FAM118B: variants seen among roughly 807,000 people sequenced by gnomAD.
FAM118B encodes the protein SIR2 antiphage like 1, also known as protein FAM118B.
FAM118B carries 24 observed loss-of-function variants against 38.5 expected under a neutral mutation model. The ratio of observed to expected loss-of-function variants is 0.62; its 90% CI spans 0.45 to 0.88. FAM118B has a LOEUF of 0.88. Ranked by LOEUF, FAM118B falls within the 40% of genes least tolerant of loss-of-function variation. The probability of loss-of-function intolerance (pLI) is 0.00; values close to 1 mark genes in which losing one functional copy is unlikely to be tolerated. For missense variants in FAM118B, 334 were observed against 420.0 expected, an observed-to-expected ratio of 0.80 and a Z score of 1.79; for synonymous variants, 138 against 156.3, an observed-to-expected ratio of 0.88 and a Z score of 0.87.
rs1191445739 is a variant in FAM118B at position 126,244,706 on chromosome 11, A to C, written c.339+3662A>C. On this transcript the variant is annotated intron_variant, in intron 4 of 8. Transcript: ENST00000533050. This position sits in a 1 kb window ranked among gnomAD's most constrained non-coding sequence, Gnocchi z 4.5. Reference sequence around the variant, plus strand: ...ATAATCCCAGCTACTCGGGAGGTGGAGGCAGGAGAATCACTTGAACCTGGG... The same window carrying C: ...ATAATCCCAGCTACTCGGGAGGTGGCGGCAGGAGAATCACTTGAACCTGGG... Among the ~76,000 whole-genome samples the C allele has an allele frequency of 6.6e-6, 1 of 152,170 alleles. No individual in the cohort carries two copies. The highest frequency in any genetic ancestry group is 6.5e-5 in the Admixed American group (1 of 15,280).
intron 2 of FAM118B, among the ~76,000 whole-genome samples, chr11:126,231,354 A>G (rs552908669): frequency 3.9e-5 from 6 of 152,378 alleles, no homozygotes; most frequent in African/African-American, 1.4e-4. Context: ...AGTGTGAACT[A>G]GCTTTGAAGC....
At chr11:126,232,991 A>G (rs1077826) in intron 2 of FAM118B, among the ~76,000 whole-genome samples, 178 of 152,324 alleles carry the variant, frequency 1.2e-3, no homozygotes, top group Non-Finnish European at 1.6e-3. Context: ...GCTTAATGGT[A>G]TACTTCATGT....
At chr11:126,241,933 G>A (rs1950363794) in intron 4 of FAM118B, among the ~76,000 whole-genome samples, 1 of 150,454 alleles carries the variant, frequency 6.6e-6, no homozygotes. Flanking sequence ...GCTGAGGCAG[G>A]AGAATGGCTT....
intron 4 of FAM118B, among the ~76,000 whole-genome samples, chr11:126,247,800 G>A (rs896751504): frequency 6.7e-5 from 10 of 150,324 alleles, no homozygotes; most frequent in Admixed American, 4.0e-4. Context: ...GGAGGTTGCA[G>A]TGAGCTGAGA....
At chr11:126,246,070 G>C (rs142629412) in intron 4 of FAM118B, among the ~76,000 whole-genome samples, 21 of 151,176 alleles carry the variant, frequency 1.4e-4, no homozygotes, top group Admixed American at 1.3e-3. Flanking sequence ...GATCATATTT[G>C]ACAAAAATCT....
intron 4 of FAM118B, among the ~76,000 whole-genome samples, chr11:126,249,663 C>T (rs574104890): frequency 4.9e-4 from 63 of 128,014 alleles, no homozygotes; most frequent in Non-Finnish European, 4.7e-4. Context: ...CCTGGCGGGG[C>T]GGAGGTTGCA....
chr11:126,212,071 A>C (rs1209357658), intron 1 of FAM118B, among the ~76,000 whole-genome samples: 1 of 152,090 alleles, frequency 6.6e-6, no homozygotes, highest in Non-Finnish European at 1.5e-5. Context: ...TTAGCCACTG[A>C]ATCTCCGGTG....
rs974094235 is a variant in FAM118B, at chr11:126,252,095, T to C, written c.567+1362T>C. Among the ~76,000 whole-genome samples, 1 of 152,144 alleles carries C rather than the reference T, an allele frequency of 6.6e-6. No individual in the cohort carries two copies. The highest frequency in any genetic ancestry group is 2.4e-5 in the African/African-American group (1 of 41,428). ...TCCTCCTCCTGGGTTCAAGCGATTC[T>C]CCTGCCTCAGCGTCCCGAATAGCTG... On this transcript the variant is annotated intron_variant, in intron 5 of 8. Transcript: ENST00000533050. The surrounding 1 kb of genome is among the most constrained non-coding windows in gnomAD (Gnocchi z 4.7).
intron 2 of FAM118B, among the ~76,000 whole-genome samples, chr11:126,234,634 C>T (rs1005970613): frequency 2.0e-5 from 3 of 152,130 alleles, no homozygotes; most frequent in Admixed American, 6.6e-5. Flanking sequence ...CTGAGTCTTC[C>T]GCAAACCCAT....
intron 4 of FAM118B, among the ~76,000 whole-genome samples, chr11:126,241,450 G>T (rs1950356166): frequency 6.6e-6 from 1 of 152,116 alleles, no homozygotes; most frequent in African/African-American, 2.4e-5. Flanking sequence ...GTTCTTTTTA[G>T]AGGTAATAAG....
At position 126,253,050 on chromosome 11, in the gene FAM118B, A is replaced by G. The variant is rs181269825; in HGVS notation, c.568-1255A>G. 1.3e-5 allele frequency among the ~76,000 whole-genome samples: 2 copies of G among 152,332 alleles called. No homozygotes were observed. The highest frequency in any genetic ancestry group is 3.9e-4 in the East Asian group (2 of 5,182). The stretch of plus-strand genomic sequence containing the variant: ...ACTCTGTCTAAAAACAAACAAACAA[A>G]TGATTGAAATTTTAAAACTAGCAGC... On this transcript the variant is annotated intron_variant, in intron 5 of 8. Transcript: ENST00000533050. The surrounding 1 kb of genome is among the most constrained non-coding windows in gnomAD (Gnocchi z 5.1).
At chr11:126,233,255 C>T (rs960755742) in intron 2 of FAM118B, among the ~76,000 whole-genome samples, 3 of 151,988 alleles carry the variant, frequency 2.0e-5, no homozygotes, top group African/African-American at 7.3e-5. Context: ...GCGGGCGGAT[C>T]ACCTGAGGTC....
chr11:126,252,478 G>A lies in FAM118B; in HGVS notation c.567+1745G>A, dbSNP rs1287443855. 2.0e-5 allele frequency among the ~76,000 whole-genome samples: 3 copies of A among 152,180 alleles called. No homozygotes were observed. The highest frequency in any genetic ancestry group is 4.4e-5 in the Non-Finnish European group (3 of 68,038). ...ATAAATGATTGGGCTGGGCACAGCA[G>A]CTCAGGCCTGTAACCCCAGCACTTT... On this transcript the variant is annotated intron_variant, in intron 5 of 8. Transcript: ENST00000533050. The surrounding 1 kb of genome is among the most constrained non-coding windows in gnomAD (Gnocchi z 4.7).
Position 126,211,804 on chromosome 11 carries a change from G to A in FAM118B, c.-103G>A. 1 of 706,888 alleles carries A rather than the reference G, an allele frequency of 1.4e-6. No homozygotes were observed. The highest frequency in any genetic ancestry group is 2.7e-5 in the East Asian group (1 of 36,880). The allele number at this position is 706,888 out of a possible 1,614,324, so 43.8% of individuals were successfully genotyped here. On this transcript the variant is annotated 5_prime_UTR_variant, in exon 1 of 9. Coordinates refer to ENST00000533050, the MANE Select transcript of FAM118B (RefSeq NM_024556.4). ...GCTGCGCCGGCCGGTAGCTGCAGCT[G>A]GAGCAGTGGCGTTTGGAGGAGACTC... is the stretch of plus-strand genomic sequence containing the variant.
intron 4 of FAM118B, among the ~76,000 whole-genome samples, chr11:126,243,129 C>T (rs1950379401): frequency 1.3e-5 from 2 of 152,148 alleles, no homozygotes; most frequent in South Asian, 4.1e-4. Context: ...TGATTCCATT[C>T]ATATAAAATG....
intron 1 of FAM118B, among the ~76,000 whole-genome samples, chr11:126,222,026 A>G (rs1476047703): frequency 6.6e-6 from 1 of 152,050 alleles, no homozygotes; most frequent in Non-Finnish European, 1.5e-5. Context: ...ACTTGTTAAG[A>G]GTGTGGCCCA....
Position 126,211,850 on chromosome 11 carries a change from G to C in FAM118B, c.-77+20G>C, listed in dbSNP as rs1469528789. 1 of 561,520 alleles carries C rather than the reference G, an allele frequency of 1.8e-6. No individual in the cohort carries two copies. The highest frequency in any genetic ancestry group is 3.4e-5 in the Admixed American group (1 of 29,232). The allele number at this position is 561,520 out of a possible 1,614,324, so 34.8% of individuals were successfully genotyped here. ...GACTCGGTGAGTGTGTAGGGAAGCC[G>C]GGCTGGGGCTGGGAAATGCCGGTGC... On this transcript the variant is annotated intron_variant, in intron 1 of 8. Coordinates refer to ENST00000533050, the MANE Select transcript of FAM118B (RefSeq NM_024556.4).
Position 126,261,432 on chromosome 11 carries a change from G to T in FAM118B, c.990G>T (p.Met330Ile). 6.2e-7 allele frequency: 1 copy of T among 1,613,788 alleles called. No homozygotes were observed. Among genetic ancestry groups the T allele is most frequent in the Non-Finnish European group, 8.5e-7 (1 of 1,179,720 alleles). ...EISTRGTSAGMVREGQLNGSS... is the reference protein window; with the variant it reads ...EISTRGTSAGIVREGQLNGSS... The stretch of plus-strand genomic sequence containing the variant: ...CTGATGTCCTCTATTTAGCAGGGAT[G>T]GTGAGAGAAGGTCAGCTAAATGGCT... The change falls in exon 8 of 9, where the codon ATG (methionine) becomes ATT (isoleucine). Residue 330 changes from methionine to isoleucine, a missense_variant. By Grantham distance (10) the Met-to-Ile change is conservative (BLOSUM62 1). Coordinates refer to ENST00000533050, the MANE Select transcript of FAM118B (RefSeq NM_024556.4).
chr11:126,256,779 T>TA lies in FAM118B; in HGVS notation c.909_910insA (p.Gly304ArgfsTer3), dbSNP rs750377563. The TA allele has an allele frequency of 5.0e-6, 8 of 1,611,438 alleles. No homozygotes were observed. In the East Asian group the frequency reaches 6.7e-5, roughly 13 times the overall value. On this transcript the variant is annotated frameshift_variant, in exon 7 of 9. Coordinates refer to ENST00000533050, the MANE Select transcript of FAM118B (RefSeq NM_024556.4). LOFTEE classifies it high-confidence loss of function. This position sits in a 1 kb window ranked among gnomAD's most constrained non-coding sequence, Gnocchi z 6.6. ...ACAAGGGGATTAAAGTCATCTCCTA[T>TA]GGAGATGACTATGCCGATCTTCCAG...
Sources: allele counts gnomAD v4.1 joint callset (sites outside exome capture counted in the v4.1 genomes callset), GRCh38; gene constraint gnomAD v4.1.1; non-coding constraint Gnocchi (gnomAD v3.1); transcripts MANE v1.5; gene names NCBI Gene and HGNC (gene_info 2026-07-23, HGNC 2026-07-21).